The following HCN3 variants were observed in gnomAD, a reference collection of about 807,000 sequenced individuals.
HCN3 encodes potassium/sodium hyperpolarization-activated cyclic nucleotide-gated channel 3.
A neutral mutation model predicts 56.8 loss-of-function variants in HCN3; 36 were observed. The ratio of observed to expected loss-of-function variants is 0.63; its 90% confidence interval spans 0.49 to 0.84. The LOEUF is 0.84. Ranked by LOEUF, HCN3 falls within the 40% of genes least tolerant of loss-of-function variation. The pLI, the probability that HCN3 is intolerant of heterozygous loss-of-function variation, is 0.00. For synonymous variants in HCN3, 425 were observed against 439.7 expected (o/e 0.97, Z 0.42); for missense variants, 930 against 1,079.3 (o/e 0.86, Z 1.94).
In HCN3 at chr1:155,288,883, GT is replaced by G. The variant is rs1674414306; in HGVS notation, c.*423del. ...CACTGCCAAGTAACTAGATGTCTCT[GT>G]TTCCCTGCCAATGATCCTGCAGGTT... On this transcript the variant is annotated 3_prime_UTR_variant, in exon 8 of 8. Transcript: ENST00000368358. This position sits in a 1 kb window ranked among gnomAD's most constrained non-coding sequence, Gnocchi z 6.5. 1 of 175,980 alleles carries G rather than the reference GT, an allele frequency of 5.7e-6. No individual in the cohort carries two copies. The highest frequency in any genetic ancestry group is 5.7e-5 in the Admixed American group (1 of 17,548). The allele number at this position is 175,980 out of a possible 1,614,324, so 10.9% of individuals were successfully genotyped here. A position where few individuals can be genotyped will look rare whatever the true frequency, so the allele number is the denominator to read the frequency against.
Position 155,287,766 on chromosome 1 carries a change from C to T in HCN3, c.1643-15C>T, listed in dbSNP as rs191318307. The T allele has an allele frequency of 1.7e-5, 27 of 1,557,570 alleles. No individual in the cohort carries two copies. Among genetic ancestry groups the T allele is most frequent in the Middle Eastern group, 1.7e-4 (1 of 5,790 alleles). ...TTCCCTATCCTTAACTTCTCCCTCC[C>T]GGTACAACTTCTAGGCAAGAAGAAT... On this transcript the variant is annotated splice_polypyrimidine_tract_variant and intron_variant, in intron 7 of 7. Coordinates refer to ENST00000368358, the MANE Select transcript of HCN3 (RefSeq NM_020897.3).
chr1:155,287,763 T>G lies in HCN3; in HGVS notation c.1643-18T>G. 6.4e-7 allele frequency: 1 copy of G among 1,554,758 alleles called. No homozygotes were observed. The highest frequency in any genetic ancestry group is 8.7e-7 in the Non-Finnish European group (1 of 1,149,102). On this transcript the variant is annotated intron_variant, in intron 7 of 7. Coordinates refer to ENST00000368358, the MANE Select transcript of HCN3 (RefSeq NM_020897.3). ...TCCTTCCCTATCCTTAACTTCTCCC[T>G]CCCGGTACAACTTCTAGGCAAGAAG...
rs1302210816 is a variant in HCN3 at position 155,288,524 on chromosome 1, T to A, written c.*61T>A. The A allele has an allele frequency of 7.3e-6, 11 of 1,513,668 alleles. No homozygotes were observed. Among genetic ancestry groups the A allele is most frequent in the Non-Finnish European group, 9.7e-6 (11 of 1,131,042 alleles). 93.8% of individuals were successfully genotyped at this position (1,513,668 alleles called of 1,614,324 possible). ...GCAGTAGTATGTACCCAAGGGCAGA[T>A]GCCTCTTGGGGAAGGCCATGGGGAC... On this transcript the variant is annotated 3_prime_UTR_variant, in exon 8 of 8. Coordinates refer to ENST00000368358, the MANE Select transcript of HCN3 (RefSeq NM_020897.3). The surrounding 1 kb of genome is among the most constrained non-coding windows in gnomAD (Gnocchi z 6.5).
chr1:155,280,984 C>T (rs1041228686), intron 1 of HCN3, among the ~76,000 whole-genome samples: 1 of 148,228 alleles, frequency 6.7e-6, no homozygotes, highest in African/African-American at 2.5e-5. Context: ...GAACTCCCAG[C>T]CTCAGGCGAT....
In HCN3 at chr1:155,282,465, G is replaced by C. The variant is rs769786225; in HGVS notation, c.333G>C (p.Leu111=). The change falls in exon 2 of 8, where the codon CTG becomes CTC. Residue 111 remains leucine, a synonymous_variant. Coordinates refer to ENST00000368358, the MANE Select transcript of HCN3 (RefSeq NM_020897.3). The surrounding 1 kb of genome is among the most constrained non-coding windows in gnomAD (Gnocchi z 4.7). ...TGATGGTGGGGAACCTCATCGTCCT[G>C]CCTGTGGGCATCACCTTCTTCAAGG... ...LLLMVGNLIV[L]PVGITFFKEE... The C allele has an allele frequency of 1.2e-6, 2 of 1,614,198 alleles. No homozygotes were observed.
chr1:155,288,051 C>T lies in HCN3; in HGVS notation c.1913C>T (p.Pro638Leu), dbSNP rs1368771517. The T allele has an allele frequency of 6.2e-7, 1 of 1,613,720 alleles. No individual in the cohort carries two copies. Among genetic ancestry groups the T allele is most frequent in the Non-Finnish European group, 8.5e-7 (1 of 1,179,946 alleles). ...CCTCTGCCCCTCTCCCCTGACTCTC[C>T]AGCCACCCTCCTTGCTCGCTCTGCT... is the stretch of plus-strand genomic sequence containing the variant. ...RGPLPLSPDSPATLLARSAWR... is the reference protein window; with the variant it reads ...RGPLPLSPDSLATLLARSAWR... Residue 638 changes from proline to leucine, a missense_variant, in exon 8 of 8, where the codon CCA becomes CTA. Coordinates refer to ENST00000368358, the MANE Select transcript of HCN3 (RefSeq NM_020897.3). The surrounding 1 kb of genome is among the most constrained non-coding windows in gnomAD (Gnocchi z 6.5).
At position 155,288,404 on chromosome 1, in the gene HCN3, AG is replaced by A; in HGVS notation, c.2268del (p.Arg756SerfsTer28). On this transcript the variant is annotated frameshift_variant, in exon 8 of 8. Transcript: ENST00000368358. LOFTEE classifies it high-confidence loss of function. This position sits in a 1 kb window ranked among gnomAD's most constrained non-coding sequence, Gnocchi z 6.5. ...ACCTCCAAGGACAGCCCAGCCCCCC[AG>A]GCCACCAGTGCCTGAGCCAGCCACA... is the stretch of plus-strand genomic sequence containing the variant. ...AKPPRTAQPP[R>X]PPVPEPATPR... The A allele has an allele frequency of 6.2e-7, 1 of 1,612,988 alleles. No homozygotes were observed. The highest frequency in any genetic ancestry group is 1.3e-5 in the African/African-American group (1 of 74,964).
chr1:155,288,689 A>G lies in HCN3; in HGVS notation c.*226A>G. On this transcript the variant is annotated 3_prime_UTR_variant, in exon 8 of 8. Transcript: ENST00000368358. The surrounding 1 kb of genome is among the most constrained non-coding windows in gnomAD (Gnocchi z 6.5). Reference sequence around the variant, plus strand: ...ATTCACCCGTTCATCATGTGTACTGAGCAGCTACCATGTTCAAGGTAATAT... The same window carrying G: ...ATTCACCCGTTCATCATGTGTACTGGGCAGCTACCATGTTCAAGGTAATAT... 1 of 574,098 alleles carries G rather than the reference A, an allele frequency of 1.7e-6. No individual in the cohort carries two copies. The highest frequency in any genetic ancestry group is 3.0e-6 in the Non-Finnish European group (1 of 337,930). The allele number at this position is 574,098 out of a possible 1,614,324, so 35.6% of individuals were successfully genotyped here. A position where few individuals can be genotyped will look rare whatever the true frequency, so the allele number is the denominator to read the frequency against.
rs145399614 is a variant in HCN3 at position 155,287,855 on chromosome 1, C to T, written c.1717C>T (p.His573Tyr). 1.5e-4 allele frequency: 243 copies of T among 1,613,902 alleles called. No homozygotes were observed. Among genetic ancestry groups the T allele is most frequent in the Non-Finnish European group, 1.8e-4 (214 of 1,179,910 alleles). The change falls in exon 8 of 8, where the codon CAC (histidine) becomes TAC (tyrosine). Residue 573 changes from histidine to tyrosine, a missense_variant. Physicochemically the swap from His to Tyr is moderately conservative, Grantham distance 83. Transcript: ENST00000368358. ...PGSSGGIMEQ[H>Y]LVQHDRDMAR... is the part of the protein sequence containing the mutation. ...CAGCAGTGGTGGCATCATGGAGCAG[C>T]ACTTGGTGCAACATGACAGAGACAT... is the stretch of plus-strand genomic sequence containing the variant.
chr1:155,282,902 G>A lies in HCN3; in HGVS notation c.708+62G>A, dbSNP rs905919203. On this transcript the variant is annotated intron_variant, in intron 2 of 7. Transcript: ENST00000368358. This position sits in a 1 kb window ranked among gnomAD's most constrained non-coding sequence, Gnocchi z 4.7. Reference sequence around the variant, plus strand: ...GGGATGTTGGGGGAGAAGGGGGCGGGGCGGCTGGTGGACTTCTCTAGGAAG... The same window carrying A: ...GGGATGTTGGGGGAGAAGGGGGCGGAGCGGCTGGTGGACTTCTCTAGGAAG... 1.6e-5 allele frequency: 22 copies of A among 1,406,726 alleles called. No homozygotes were observed. Among genetic ancestry groups the A allele is most frequent in the African/African-American group, 1.3e-4 (9 of 70,390 alleles). The allele number at this position is 1,406,726 out of a possible 1,614,324, so 87.1% of individuals were successfully genotyped here.
rs1674191546 is a variant in HCN3 at position 155,284,358 on chromosome 1, C to G, written c.871-181C>G. ...GGTACCTACCCGGAAGCTGAGGCCC[C>G]CAAGTTGCAATAGAGGACCCTTTTG... On this transcript the variant is annotated intron_variant, in intron 3 of 7. Transcript: ENST00000368358. The surrounding 1 kb of genome is among the most constrained non-coding windows in gnomAD (Gnocchi z 4.3). The G allele has an allele frequency of 5.9e-6, 5 of 840,998 alleles. No homozygotes were observed. In the East Asian group the frequency reaches 1.3e-4, roughly 23 times the overall value. 52.1% of individuals were successfully genotyped at this position (840,998 alleles called of 1,614,324 possible).
At position 155,285,444 on chromosome 1, in the gene HCN3, T is replaced by TGGGAGGCCAGG; in HGVS notation, c.1236+133_1236+134insGGGAGGCCAGG. 8.0e-7 allele frequency: 1 copy of TGGGAGGCCAGG among 1,248,454 alleles called. No homozygotes were observed. The highest frequency in any genetic ancestry group is 1.1e-6 in the Non-Finnish European group (1 of 912,634). The allele number at this position is 1,248,454 out of a possible 1,614,324, so 77.3% of individuals were successfully genotyped here. A position where few individuals can be genotyped will look rare whatever the true frequency, so the allele number is the denominator to read the frequency against. On this transcript the variant is annotated intron_variant, in intron 5 of 7. Transcript: ENST00000368358. The surrounding 1 kb of genome is among the most constrained non-coding windows in gnomAD (Gnocchi z 4.5). ...GAGGGCCCCGTGGGAGGCCAGGTAT[T>TGGGAGGCCAGG]TGGGCTTTCAGGGGCTAGGGTCTTT...
intron 2 of HCN3, 72 bp from the exon 3 acceptor site, chr1:155,283,902 C>T: frequency 3.9e-6 from 6 of 1,523,566 alleles, no homozygotes; most frequent in Non-Finnish European, 5.4e-6. Context: ...AGAGAATTTG[C>T]CAGGCTGGGA....
At position 155,285,031 on chromosome 1, in the gene HCN3, A is replaced by G. The variant is rs1367223125; in HGVS notation, c.1090-134A>G. 6.9e-6 allele frequency: 7 copies of G among 1,009,210 alleles called. No individual in the cohort carries two copies. In the African/African-American group the frequency reaches 1.1e-4, roughly 16 times the overall value. 62.5% of individuals were successfully genotyped at this position (1,009,210 alleles called of 1,614,324 possible). On this transcript the variant is annotated intron_variant, in intron 4 of 7. Transcript: ENST00000368358. This position sits in a 1 kb window ranked among gnomAD's most constrained non-coding sequence, Gnocchi z 4.5. The stretch of plus-strand genomic sequence containing the variant: ...TCCGTATTCCTCTGTGGCCCTGTGT[A>G]TCCATGTCTGGTTCCACGTTTCACC...
chr1:155,283,496 G>A (rs993348253), intron 2 of HCN3, among the ~76,000 whole-genome samples: 8 of 151,268 alleles, frequency 5.3e-5, no homozygotes, highest in South Asian at 2.1e-4. Context: ...ATGCTGGTGC[G>A]CTGCACCCAC....
chr1:155,286,385 TC>T (rs1210705378), intron 6 of HCN3, among the ~76,000 whole-genome samples: 1 of 152,158 alleles, frequency 6.6e-6, no homozygotes, highest in Non-Finnish European at 1.5e-5. Context: ...GACCTCGTGA[TC>T]CGCCCGCCTC....
intron 1 of HCN3, among the ~76,000 whole-genome samples, chr1:155,281,357 C>G (rs1674041723): frequency 6.6e-6 from 1 of 150,766 alleles, no homozygotes; most frequent in African/African-American, 2.4e-5. Flanking sequence ...GCGTGAGCCA[C>G]CACACCTGGC....
At chr1:155,286,088 C>A in intron 6 of HCN3, 124 bp downstream of exon 6, 1 of 1,318,822 alleles carries the variant, frequency 7.6e-7, no homozygotes. Context: ...CCTCCCCAGG[C>A]CTACTCAGTG....
intron 1 of HCN3, among the ~76,000 whole-genome samples, chr1:155,281,465 T>C (rs1194635009): frequency 3.3e-5 from 5 of 151,890 alleles, no homozygotes; most frequent in Non-Finnish European, 7.4e-5. Flanking sequence ...GCCTTCCGGG[T>C]TCATGCCATT....
Sources: allele counts gnomAD v4.1 joint callset (sites outside exome capture counted in the v4.1 genomes callset), GRCh38; gene constraint gnomAD v4.1.1; non-coding constraint Gnocchi (gnomAD v3.1); transcripts MANE v1.5; gene names NCBI Gene and HGNC (gene_info 2026-07-23, HGNC 2026-07-21).